Variants in DLGAP1 observed in about 807,000 individuals in gnomAD.
DLGAP1 encodes the protein DLG associated protein 1, also known as disks large-associated protein 1.
DLGAP1 carries 11 observed loss-of-function variants against 90.8 expected under a neutral mutation model. The ratio of observed to expected loss-of-function variants is 0.12; its 90% CI spans 0.08 to 0.20. The LOEUF is 0.20. Ranked by LOEUF, DLGAP1 falls within the 10% of genes least tolerant of loss-of-function variation. The pLI is 1.00. For missense variants in DLGAP1, 1,050 were observed against 1,333.8 expected, an observed-to-expected ratio of 0.79 and a Z score of 3.31; for synonymous variants, 558 against 540.7, an observed-to-expected ratio of 1.03 and a Z score of -0.44.
chr18:4,218,002 C>T (rs112521427), intron 1 of DLGAP1, among the ~76,000 whole-genome samples: 192 of 149,726 alleles, frequency 1.3e-3, no homozygotes, highest in African/African-American at 4.6e-3. Context: ...AAGTCATGTA[C>T]GTTTTTCCCT....
chr18:3,734,769 C>G (rs2062575030), intron 6 of DLGAP1, among the ~76,000 whole-genome samples: 1 of 151,938 alleles, frequency 6.6e-6, no homozygotes, highest in Non-Finnish European at 1.5e-5. Flanking sequence ...TTTGGGTTAT[C>G]TTTTCTTACT....
chr18:3,829,796 C>A (rs1009976003), intron 4 of DLGAP1, among the ~76,000 whole-genome samples: 1 of 152,116 alleles, frequency 6.6e-6, no homozygotes, highest in Non-Finnish European at 1.5e-5. Context: ...CACGTGTATA[C>A]AATTACTTTA....
intron 1 of DLGAP1, among the ~76,000 whole-genome samples, chr18:4,253,982 C>A (rs1232123194): frequency 6.6e-6 from 1 of 152,184 alleles, no homozygotes; most frequent in Non-Finnish European, 1.5e-5. Context: ...TTTCCCCATT[C>A]CTTTCTGAAA....
chr18:3,666,048 G>A (rs1338611028), intron 7 of DLGAP1, among the ~76,000 whole-genome samples: 1 of 152,068 alleles, frequency 6.6e-6, no homozygotes, highest in East Asian at 1.9e-4. Context: ...GAGGCAGCTG[G>A]AAGCGCTGAA....
chr18:3,599,311 A>C (rs1335675351), intron 7 of DLGAP1, among the ~76,000 whole-genome samples: 1 of 152,228 alleles, frequency 6.6e-6, no homozygotes, highest in African/African-American at 2.4e-5. Context: ...TCAATTTTGC[A>C]GATGAAAAGG....
intron 7 of DLGAP1, among the ~76,000 whole-genome samples, chr18:3,657,642 G>A (rs1308610777): frequency 2.2e-5 from 3 of 136,058 alleles, no homozygotes; most frequent in Non-Finnish European, 4.6e-5. Flanking sequence ...TTGCTCTGTT[G>A]CCCAGGCTGG....
chr18:4,247,826 CGATATTG>C (rs2145173771), intron 1 of DLGAP1, among the ~76,000 whole-genome samples: 2 of 152,152 alleles, frequency 1.3e-5, no homozygotes, highest in East Asian at 3.9e-4. Context: ...TGGGATGTAA[CGATATTG>C]CAGTCAAGAG....
intron 3 of DLGAP1, among the ~76,000 whole-genome samples, chr18:3,981,724 T>C (rs2073734195): frequency 6.6e-6 from 1 of 152,234 alleles, no homozygotes; most frequent in Admixed American, 6.5e-5. Context: ...AATAAAGGAC[T>C]GATTGACTAT....
At chr18:3,507,631 C>T (rs936092852) in intron 11 of DLGAP1, among the ~76,000 whole-genome samples, 3 of 151,586 alleles carry the variant, frequency 2.0e-5, no homozygotes, top group African/African-American at 4.9e-5. Context: ...ATTTAGATTG[C>T]TAATAATTGT....
intron 5 of DLGAP1, chr18:3,771,566 A>G (rs2064549464): frequency 6.6e-6 from 1 of 152,254 alleles, no homozygotes; most frequent in Non-Finnish European, 1.5e-5. Flanking sequence ...TGCCGTGTGT[A>G]CTGCGGGACT....
intron 1 of DLGAP1, among the ~76,000 whole-genome samples, chr18:4,245,652 C>G (rs1451723760): frequency 6.6e-6 from 1 of 152,218 alleles, no homozygotes; most frequent in African/African-American, 2.4e-5. Context: ...GTTGACCTTA[C>G]AGCAGGAAAT....
At chr18:3,799,431 C>G (rs940660264) in intron 5 of DLGAP1, among the ~76,000 whole-genome samples, 13 of 151,620 alleles carry the variant, frequency 8.6e-5, no homozygotes, top group African/African-American at 2.9e-4. Context: ...TGAAATTATT[C>G]CATTTCCAGT....
intron 2 of DLGAP1, among the ~76,000 whole-genome samples, chr18:4,023,710 G>A (rs111745722): frequency 2.0e-5 from 3 of 152,204 alleles, no homozygotes; most frequent in African/African-American, 7.2e-5. Flanking sequence ...GAATTCCATG[G>A]CTGTAGGTGT....
chr18:3,587,144 TC>T (rs1568248816), intron 7 of DLGAP1, among the ~76,000 whole-genome samples: 2 of 152,124 alleles, frequency 1.3e-5, no homozygotes, highest in African/African-American at 4.8e-5. Flanking sequence ...AACCTCTGCC[TC>T]CCGGGTTCAA....
intron 2 of DLGAP1, among the ~76,000 whole-genome samples, chr18:4,147,734 G>C (rs895423619): frequency 1.3e-5 from 2 of 152,176 alleles, no homozygotes; most frequent in African/African-American, 4.8e-5. Flanking sequence ...ATGATATTAA[G>C]ATGGTAACTG....
chr18:3,929,210 T>G (rs1295927303), intron 3 of DLGAP1, among the ~76,000 whole-genome samples: 1 of 152,224 alleles, frequency 6.6e-6, no homozygotes, highest in Non-Finnish European at 1.5e-5. Context: ...TGTAATTTCA[T>G]TTTTAGATAG....
At chr18:3,790,273 CTTT>C in intron 5 of DLGAP1, among the ~76,000 whole-genome samples, 1 of 144,142 alleles carries the variant, frequency 6.9e-6, no homozygotes. Flanking sequence ...CTTTTTTTTT[CTTT>C]TTTTTTTTTG....
At chr18:3,547,292 A>G (rs1252253726) in intron 9 of DLGAP1, among the ~76,000 whole-genome samples, 4 of 125,046 alleles carry the variant, frequency 3.2e-5, no homozygotes, top group Non-Finnish European at 6.3e-5. Flanking sequence ...ATAGAGCGAG[A>G]CTCCGTCTCA....
chr18:3,741,685 C>T (rs1210073162), intron 6 of DLGAP1, among the ~76,000 whole-genome samples: 1 of 152,192 alleles, frequency 6.6e-6, no homozygotes, highest in African/African-American at 2.4e-5. Context: ...AACATTAATT[C>T]TCACCTTGAT....
Sources: allele counts gnomAD v4.1 joint callset (sites outside exome capture counted in the v4.1 genomes callset), GRCh38; gene constraint gnomAD v4.1.1; transcripts MANE v1.5; gene names NCBI Gene and HGNC (gene_info 2026-07-23, HGNC 2026-07-21).